TMOD3: variants seen among roughly 807,000 people sequenced by gnomAD.
TMOD3 encodes tropomodulin 3.
In TMOD3, 20 loss-of-function variants were observed where a neutral mutation model predicts 39.2. The ratio of observed to expected loss-of-function variants is 0.51; its 90% confidence interval spans 0.36 to 0.74. The LOEUF is 0.74. Ranked by LOEUF, TMOD3 falls within the 30% of genes least tolerant of loss-of-function variation. TMOD3 has a pLI of 0.00. For synonymous variants in TMOD3, 143 were observed against 145.8 expected, an observed-to-expected ratio of 0.98 and a Z score of 0.14; for missense variants, 381 against 412.8, an observed-to-expected ratio of 0.92 and a Z score of 0.67.
At chr15:51,844,782 C>A (rs1382600602) in intron 1 of TMOD3, among the ~76,000 whole-genome samples, 2 of 152,036 alleles carry the variant, frequency 1.3e-5, no homozygotes, top group African/African-American at 4.8e-5. Context: ...TTATGGAAAT[C>A]AATGTGAAAA....
chr15:51,862,030 A>T (rs1406684365), intron 1 of TMOD3, among the ~76,000 whole-genome samples: 1 of 152,188 alleles, frequency 6.6e-6, no homozygotes, highest in African/African-American at 2.4e-5. Context: ...CCTATAGAAC[A>T]GTCCTGCCGA....
intron 3 of TMOD3, among the ~76,000 whole-genome samples, chr15:51,887,013 G>T (rs1667807118): frequency 6.6e-6 from 1 of 151,972 alleles, no homozygotes; most frequent in African/African-American, 2.4e-5. Context: ...TAGGTCAGTA[G>T]TTTGAGACCA....
chr15:51,872,968 A>G (rs763417131), intron 3 of TMOD3, among the ~76,000 whole-genome samples: 7 of 152,240 alleles, frequency 4.6e-5, no homozygotes, highest in Non-Finnish European at 8.8e-5. Context: ...GCCATGTCAC[A>G]GTACCATGGA....
Position 51,913,490 on chromosome 15 carries a change from G to C in TMOD3, c.*4680G>C, listed in dbSNP as rs897995256. 3 of 152,118 alleles carry C rather than the reference G, an allele frequency of 2.0e-5. No homozygotes were observed. Among genetic ancestry groups the C allele is most frequent in the Non-Finnish European group, 4.4e-5 (3 of 68,038 alleles). The allele number at this position is 152,118 out of a possible 1,614,324, so 9.4% of individuals were successfully genotyped here. ...AACACTTAATGGTCCCAGCATGTTG[G>C]ATAAGGGATACTCAACCTGTATTGA... On this transcript the variant is annotated 3_prime_UTR_variant, in exon 10 of 10. Transcript: ENST00000308580.
chr15:51,841,182 A>G (rs1240501787), intron 1 of TMOD3, among the ~76,000 whole-genome samples: 1 of 152,252 alleles, frequency 6.6e-6, no homozygotes, highest in Non-Finnish European at 1.5e-5. Context: ...TATAACAGGT[A>G]TACAAACAAA....
intron 1 of TMOD3, among the ~76,000 whole-genome samples, chr15:51,842,395 A>C (rs1340915540): frequency 1.3e-5 from 2 of 152,148 alleles, no homozygotes; most frequent in African/African-American, 4.8e-5. Flanking sequence ...GATGATACCA[A>C]ATTACTTTTC....
At chr15:51,849,079 A>G (rs571758582) in intron 1 of TMOD3, among the ~76,000 whole-genome samples, 4 of 152,320 alleles carry the variant, frequency 2.6e-5, no homozygotes, top group South Asian at 4.1e-4. Context: ...AAGAGGAGAT[A>G]ATGGCTTGGA....
At chr15:51,893,677 A>G (rs371894602) in intron 5 of TMOD3, 138 bp from the exon 6 acceptor site, 16 of 696,948 alleles carry the variant, frequency 2.3e-5, no homozygotes, top group Middle Eastern at 8.4e-4. Context: ...AGGCAGGAGA[A>G]TGGCTTGAAC....
chr15:51,832,424 CTT>C (rs2056261252), intron 1 of TMOD3, among the ~76,000 whole-genome samples: 1 of 151,808 alleles, frequency 6.6e-6, no homozygotes, highest in South Asian at 2.1e-4. Flanking sequence ...CTGGTCATCT[CTT>C]TCCCCAGGCT....
chr15:51,891,140 A>G (rs898954360), intron 5 of TMOD3, among the ~76,000 whole-genome samples: 1 of 151,480 alleles, frequency 6.6e-6, no homozygotes, highest in Non-Finnish European at 1.5e-5. Flanking sequence ...TCTCTCCAAA[A>G]TGTCGTTTCA....
intron 9 of TMOD3, among the ~76,000 whole-genome samples, chr15:51,905,536 T>A (rs2056674173): frequency 6.6e-6 from 1 of 151,612 alleles, no homozygotes; most frequent in Non-Finnish European, 1.5e-5. Context: ...GTTGGTAGAA[T>A]ACACTGAAAT....
At chr15:51,871,898 A>G (rs2056476620) in intron 3 of TMOD3, among the ~76,000 whole-genome samples, 1 of 152,198 alleles carries the variant, frequency 6.6e-6, no homozygotes, top group African/African-American at 2.4e-5. Context: ...TTCTCTTTAT[A>G]ATACATTCGG....
chr15:51,839,165 C>T (rs12903893), intron 1 of TMOD3, among the ~76,000 whole-genome samples: 37,333 of 101,768 alleles, frequency 0.37, 8,886 homozygotes, highest in Non-Finnish European at 0.39. Context: ...GTGTATCTCT[C>T]TTTTTTTTTT....
chr15:51,863,801 T>A (rs775349647), intron 2 of TMOD3, among the ~76,000 whole-genome samples: 1 of 152,210 alleles, frequency 6.6e-6, no homozygotes, highest in East Asian at 1.9e-4. Flanking sequence ...TACTGGATGA[T>A]GTATCTATAC....
chr15:51,877,629 G>C (rs926086701), intron 3 of TMOD3, among the ~76,000 whole-genome samples: 2 of 151,186 alleles, frequency 1.3e-5, no homozygotes, highest in African/African-American at 4.9e-5. Flanking sequence ...GCAGTGAGCC[G>C]AGATTGCACC....
In TMOD3 at chr15:51,909,699, T is replaced by A. The variant is rs1338701765; in HGVS notation, c.*889T>A. The stretch of plus-strand genomic sequence containing the variant: ...ATCAAAGATAATAAATATGATAGAT[T>A]TCCAGTATGAGGCACTTGCAAAACA... On this transcript the variant is annotated 3_prime_UTR_variant, in exon 10 of 10. Transcript: ENST00000308580. 2 of 152,164 alleles carry A rather than the reference T, an allele frequency of 1.3e-5. No homozygotes were observed. Among genetic ancestry groups the A allele is most frequent in the Non-Finnish European group, 2.9e-5 (2 of 68,024 alleles). The allele number at this position is 152,164 out of a possible 1,614,324, so 9.4% of individuals were successfully genotyped here.
intron 3 of TMOD3, among the ~76,000 whole-genome samples, chr15:51,885,619 A>G (rs574921114): frequency 6.6e-6 from 1 of 152,212 alleles, no homozygotes; most frequent in East Asian, 1.9e-4. Context: ...AAGGCTATAG[A>G]TTAACAGCAT....
chr15:51,859,915 C>G, intron 1 of TMOD3: 1 of 542,368 alleles, frequency 1.8e-6, no homozygotes, highest in South Asian at 1.4e-5. Context: ...TGAATGCAGT[C>G]ATGGTTCTTT....
chr15:51,831,619 G>A (rs6493525), intron 1 of TMOD3, among the ~76,000 whole-genome samples: 53,310 of 150,586 alleles, frequency 0.35, 9,855 homozygotes, highest in Middle Eastern at 0.43. Context: ...ATAATTGATG[G>A]CTTTTTCAAC....
Sources: allele counts gnomAD v4.1 joint callset (sites outside exome capture counted in the v4.1 genomes callset), GRCh38; gene constraint gnomAD v4.1.1; transcripts MANE v1.5; gene names NCBI Gene and HGNC (gene_info 2026-07-23, HGNC 2026-07-21).